Variants in PAFAH1B2 observed in about 807,000 individuals in gnomAD.
PAFAH1B2 encodes the protein platelet activating factor acetylhydrolase 1b catalytic subunit 2.
A neutral mutation model predicts 28.0 loss-of-function variants in PAFAH1B2; 8 were observed. The observed-to-expected ratio is 0.29, with a 90% CI of 0.17 to 0.52. PAFAH1B2 has a LOEUF of 0.52. PAFAH1B2 is among the 20% of genes least tolerant of loss of function. The probability of loss-of-function intolerance (pLI) is 0.97; values close to 1 mark genes in which losing one functional copy is unlikely to be tolerated. For synonymous variants in PAFAH1B2, 104 were observed against 103.2 expected (o/e 1.01, Z -0.05); for missense variants, 190 against 282.6 (o/e 0.67, Z 2.35).
At chr11:117,165,599 A>G (rs1956488718) in intron 5 of PAFAH1B2, among the ~76,000 whole-genome samples, 1 of 152,212 alleles carries the variant, frequency 6.6e-6, no homozygotes, top group Non-Finnish European at 1.5e-5. Context: ...CAGAATTATT[A>G]TACTGTGTGC....
chr11:117,160,117 G>A, intron 3 of PAFAH1B2, 94 bp downstream of exon 3: 2 of 897,058 alleles, frequency 2.2e-6, no homozygotes, highest in Non-Finnish European at 3.8e-6. Flanking sequence ...TTACTTATTT[G>A]TGACTCTTAG....
chr11:117,155,617 G>C (rs1370747287), intron 2 of PAFAH1B2, among the ~76,000 whole-genome samples: 1 of 152,040 alleles, frequency 6.6e-6, no homozygotes, highest in Non-Finnish European at 1.5e-5. Flanking sequence ...CTTTTGTTGA[G>C]AATTTGGAAA....
intron 1 of PAFAH1B2, among the ~76,000 whole-genome samples, chr11:117,152,217 A>G (rs1956167792): frequency 6.6e-6 from 1 of 152,202 alleles, no homozygotes; most frequent in Non-Finnish European, 1.5e-5. Flanking sequence ...ACTAAGTCAT[A>G]TTCAAAGCTA....
Position 117,167,517 on chromosome 11 carries a change from G to T in PAFAH1B2, c.508G>T (p.Val170Leu). ...GGTTTCGCTGCCGAAGCTTGCCAAC[G>T]TGCAGCTCCTGGATACCGACGGGGG... ...LKVSLPKLAN[V>L]QLLDTDGGFV... is the part of the protein sequence containing the mutation. The change falls in exon 6 of 6, where the codon GTG becomes TTG. Residue 170 changes from valine to leucine, a missense_variant. Val to Leu is a conservative substitution (Grantham distance 32, BLOSUM62 1). Transcript: ENST00000527958. The T allele has an allele frequency of 1.9e-6, 3 of 1,612,882 alleles. No homozygotes were observed. Among genetic ancestry groups the T allele is most frequent in the Non-Finnish European group, 2.5e-6 (3 of 1,179,248 alleles).
chr11:117,172,716 A>G (rs1333838783), downstream of PAFAH1B2, among the ~76,000 whole-genome samples: 1 of 151,814 alleles, frequency 6.6e-6, no homozygotes, highest in African/African-American at 2.4e-5. Context: ...CTCTATTTTT[A>G]TTTTTTGGAA....
downstream of PAFAH1B2, among the ~76,000 whole-genome samples, chr11:117,171,420 C>T (rs189687857): frequency 5.9e-5 from 9 of 152,214 alleles, no homozygotes; most frequent in Non-Finnish European, 1.0e-4. Flanking sequence ...CCTGTAATCC[C>T]AGCTACTCAG....
At chr11:117,166,006 T>C (rs887521858) in intron 5 of PAFAH1B2, among the ~76,000 whole-genome samples, 14 of 152,020 alleles carry the variant, frequency 9.2e-5, no homozygotes, top group Admixed American at 9.2e-4. Flanking sequence ...GCCCGGCTAA[T>C]TTTTGTTTGT....
At chr11:117,165,104 C>T (rs1207880687) in intron 5 of PAFAH1B2, among the ~76,000 whole-genome samples, 17 of 150,632 alleles carry the variant, frequency 1.1e-4, no homozygotes, top group South Asian at 8.5e-4. Context: ...TACAGGCGCC[C>T]GCCACCACAC....
chr11:117,155,367 A>G (rs1002732554), intron 2 of PAFAH1B2, among the ~76,000 whole-genome samples: 1 of 152,250 alleles, frequency 6.6e-6, no homozygotes, highest in Admixed American at 6.5e-5. Context: ...AGGAAAATAA[A>G]CGCAGTAAAT....
chr11:117,167,000 G>A (rs1956526872), intron 5 of PAFAH1B2, among the ~76,000 whole-genome samples: 1 of 152,182 alleles, frequency 6.6e-6, no homozygotes, highest in Non-Finnish European at 1.5e-5. Flanking sequence ...AAGATATATG[G>A]GATGTGAGAC....
At position 117,168,852 on chromosome 11, in the gene PAFAH1B2, G is replaced by C. The variant is rs532559350; in HGVS notation, c.*1153G>C. ...GTTGCCCAGGCTGGGGTGCAATGGTGTGATCTTGGCTCACTGCAGCCTCCA... is the reference window on the plus strand; with the variant it reads ...GTTGCCCAGGCTGGGGTGCAATGGTCTGATCTTGGCTCACTGCAGCCTCCA... On this transcript the variant is annotated 3_prime_UTR_variant, in exon 6 of 6. Transcript: ENST00000527958. 1.6e-6 allele frequency: 1 copy of C among 636,894 alleles called. No homozygotes were observed. The highest frequency in any genetic ancestry group is 2.0e-6 in the Non-Finnish European group (1 of 498,394). The allele number at this position is 636,894 out of a possible 1,614,324, so 39.5% of individuals were successfully genotyped here. A position where few individuals can be genotyped will look rare whatever the true frequency, so the allele number is the denominator to read the frequency against.
downstream of PAFAH1B2, among the ~76,000 whole-genome samples, chr11:117,177,659 C>T (rs2030059052): frequency 1.3e-5 from 2 of 152,344 alleles, no homozygotes; most frequent in African/African-American, 4.8e-5. Context: ...TTCAGCCTCC[C>T]CAGTAGCTGG....
chr11:117,160,556 CAA>C (rs1956350854), intron 3 of PAFAH1B2, among the ~76,000 whole-genome samples: 1 of 152,162 alleles, frequency 6.6e-6, no homozygotes, highest in Admixed American at 6.5e-5. Context: ...ATCTCAGGCT[CAA>C]GAGATTCTCA....
chr11:117,164,729 G>C (rs1174343547), intron 5 of PAFAH1B2, among the ~76,000 whole-genome samples: 1 of 151,882 alleles, frequency 6.6e-6, no homozygotes, highest in South Asian at 2.1e-4. Context: ...ACAGCTGTCT[G>C]TTTCAGTATA....
rs552122914 is a variant in PAFAH1B2, at chr11:117,152,267, A to G, written c.-7-174A>G. Among the ~76,000 whole-genome samples, 157 of 152,326 alleles carry G rather than the reference A, an allele frequency of 1.0e-3. 1 individual carries two copies. The highest frequency in any genetic ancestry group is 1.8e-3 in the Non-Finnish European group (121 of 68,034). On this transcript the variant is annotated intron_variant, in intron 1 of 5. Transcript: ENST00000527958. The stretch of plus-strand genomic sequence containing the variant: ...GGTGCTATCTTTATGGGACTTAGTC[A>G]TGTTCTGCAATTCATCTCTACAGAA...
chr11:117,171,808 A>G, downstream of PAFAH1B2: 6 of 1,325,948 alleles, frequency 4.5e-6, no homozygotes, highest in Non-Finnish European at 6.3e-6. Context: ...TCTTTGTATC[A>G]TTTGCTTTAT....
At position 117,154,761 on chromosome 11, in the gene PAFAH1B2, A is replaced by G. The variant is rs566218523; in HGVS notation, c.81+2233A>G. Among the ~76,000 whole-genome samples, 4 of 152,258 alleles carry G rather than the reference A, an allele frequency of 2.6e-5. No individual in the cohort carries two copies. In the East Asian group the frequency reaches 7.7e-4, roughly 29 times the overall value. Reference sequence around the variant, plus strand: ...GCCTGACTTTAAAAATCTTTTAAGCATTGCATACTGAAATATTTATACTTG... The same window carrying G: ...GCCTGACTTTAAAAATCTTTTAAGCGTTGCATACTGAAATATTTATACTTG... On this transcript the variant is annotated intron_variant, in intron 2 of 5. Coordinates refer to ENST00000527958, the MANE Select transcript of PAFAH1B2 (RefSeq NM_002572.4).
chr11:117,159,189 T>C (rs1189382308), intron 2 of PAFAH1B2, among the ~76,000 whole-genome samples: 1 of 152,218 alleles, frequency 6.6e-6, no homozygotes, highest in Non-Finnish European at 1.5e-5. Flanking sequence ...AAAGATAAAC[T>C]TCTAAACAGC....
At chr11:117,162,240 C>A (rs1956390700) in intron 4 of PAFAH1B2, among the ~76,000 whole-genome samples, 1 of 152,062 alleles carries the variant, frequency 6.6e-6, no homozygotes, top group East Asian at 1.9e-4. Flanking sequence ...CTCGGATGAT[C>A]CTATGGCCTC....
Sources: allele counts gnomAD v4.1 joint callset (sites outside exome capture counted in the v4.1 genomes callset), GRCh38; gene constraint gnomAD v4.1.1; transcripts MANE v1.5; gene names NCBI Gene and HGNC (gene_info 2026-07-23, HGNC 2026-07-21).